PPP1R2: variants seen among roughly 807,000 people sequenced by gnomAD.
The protein encoded by PPP1R2 is protein phosphatase inhibitor 2.
Under a neutral mutation model 29.9 loss-of-function variants are expected in PPP1R2, and 16 were observed. The ratio of observed to expected loss-of-function variants is 0.53; its 90% CI spans 0.36 to 0.81. PPP1R2 has a LOEUF of 0.81. PPP1R2 is among the 30% of genes least tolerant of loss of function. PPP1R2 has a pLI of 0.00. For missense variants in PPP1R2, 197 were observed against 252.7 expected (o/e 0.78, Z 1.49); for synonymous variants, 76 against 91.5 (o/e 0.83, Z 0.96).
At chr3:195,520,294 G>A (rs1411620759) in intron 4 of PPP1R2, among the ~76,000 whole-genome samples, 1 of 152,148 alleles carries the variant, frequency 6.6e-6, no homozygotes, top group Non-Finnish European at 1.5e-5. Context: ...ACAGGCATGA[G>A]CCACTGCGCC....
rs1436135183 is a variant in PPP1R2, at chr3:195,527,030, G to A, written c.231-2134C>T. Among the ~76,000 whole-genome samples, 12 of 150,328 alleles carry A rather than the reference G, an allele frequency of 8.0e-5. No individual in the cohort carries two copies. In the East Asian group the frequency reaches 1.4e-3, roughly 18 times the overall value. ...ACTCCTGACCTTAGGTGATCCACCCGCCTCAGGCTCCCAAAGTGCTGGGAT... is the reference window on the plus strand; with the variant it reads ...ACTCCTGACCTTAGGTGATCCACCCACCTCAGGCTCCCAAAGTGCTGGGAT... On this transcript the variant is annotated intron_variant, in intron 2 of 5. Transcript: ENST00000618156.
chr3:195,536,627 A>G (rs1283401149), intron 1 of PPP1R2, among the ~76,000 whole-genome samples: 2 of 151,920 alleles, frequency 1.3e-5, no homozygotes. Flanking sequence ...TGTCTCTACT[A>G]AAATACAAAA....
Position 195,536,609 on chromosome 3 carries a change from T to C in PPP1R2, c.122+6295A>G, listed in dbSNP as rs1719394381. 2.6e-5 allele frequency among the ~76,000 whole-genome samples: 4 copies of C among 151,796 alleles called. No individual in the cohort carries two copies. The South Asian group carries it at 8.3e-4, about 32-fold the overall frequency. On this transcript the variant is annotated intron_variant, in intron 1 of 5. Transcript: ENST00000618156. Reference sequence around the variant, plus strand: ...TTCAAGACCAGCCCGGCCAACATGATGAAGCCCTGTCTCTACTAAAATACA... The same window carrying C: ...TTCAAGACCAGCCCGGCCAACATGACGAAGCCCTGTCTCTACTAAAATACA...
At chr3:195,518,520 A>G (rs2641379) in intron 5 of PPP1R2, among the ~76,000 whole-genome samples, 129,240 of 151,722 alleles carry the variant, frequency 0.85, 55,528 homozygotes, top group East Asian at 0.99. Flanking sequence ...GCGTGGTGGC[A>G]GGCGCCTGTA....
At chr3:195,521,053 C>T (rs897306690) in intron 4 of PPP1R2, among the ~76,000 whole-genome samples, 2 of 152,016 alleles carry the variant, frequency 1.3e-5, no homozygotes, top group African/African-American at 2.4e-5. Flanking sequence ...GCAGTGCTCA[C>T]GCCTGTAATC....
chr3:195,526,129 T>A (rs2108943895), intron 2 of PPP1R2, among the ~76,000 whole-genome samples: 1 of 147,124 alleles, frequency 6.8e-6, no homozygotes, highest in South Asian at 2.1e-4. Context: ...AGACAGGGTC[T>A]CATTCTGTCA....
chr3:195,524,897 C>T lies in PPP1R2; in HGVS notation c.231-1G>A. 1 of 1,613,798 alleles carries T rather than the reference C, an allele frequency of 6.2e-7. No individual in the cohort carries two copies. The highest frequency in any genetic ancestry group is 8.5e-7 in the Non-Finnish European group (1 of 1,179,728). ...GGCATCTTCATCATCCCCCATCATA[C>T]TAGTATGACAAGCACATTGTAATTA... On this transcript the variant is annotated splice_acceptor_variant, in intron 2 of 5. Transcript: ENST00000618156. LOFTEE classifies it high-confidence loss of function.
At chr3:195,532,899 T>G (rs998591489) in intron 1 of PPP1R2, among the ~76,000 whole-genome samples, 2 of 152,210 alleles carry the variant, frequency 1.3e-5, no homozygotes, top group African/African-American at 4.8e-5. Context: ...AAATGTAACG[T>G]TAAAATTTAT....
Position 195,519,157 on chromosome 3 carries a change from C to T in PPP1R2, c.432G>A (p.Arg144=), listed in dbSNP as rs1577562643. 3 of 1,596,110 alleles carry T rather than the reference C, an allele frequency of 1.9e-6. No homozygotes were observed. Among genetic ancestry groups the T allele is most frequent in the East Asian group, 2.2e-5 (1 of 44,650 alleles). Residue 144 remains arginine, a synonymous_variant, in exon 5 of 6, where the codon AGG becomes AGA. Coordinates refer to ENST00000618156, the MANE Select transcript of PPP1R2 (RefSeq NM_006241.8). The stretch of plus-strand genomic sequence containing the variant: ...TGAGTCCTTCATTGTAGTGAAGCTT[C>T]CTTTTCATTTCAAATTGTCGCTTTT... The part of the protein sequence containing the change: ...REKKRQFEMK[R]KLHYNEGLNI...
intron 1 of PPP1R2, among the ~76,000 whole-genome samples, chr3:195,531,748 C>G (rs115119140): frequency 1.3e-5 from 2 of 152,174 alleles, no homozygotes; most frequent in African/African-American, 4.8e-5. Context: ...ACGAAGTGTA[C>G]AATTCTATGG....
rs1247735921 is a variant in PPP1R2 at position 195,515,034 on chromosome 3, G to A, written c.*1862C>T. ...ACAAAAAAAAAAAAAGAGTATGTGG[G>A]TACTTTCTAAGAACTCAGAAACAAG... On this transcript the variant is annotated 3_prime_UTR_variant, in exon 6 of 6. Transcript: ENST00000618156. The A allele has an allele frequency of 1.1e-5, 3 of 274,510 alleles. No individual in the cohort carries two copies. Among genetic ancestry groups the A allele is most frequent in the African/African-American group, 4.6e-5 (2 of 43,660 alleles). 17.0% of individuals were successfully genotyped at this position (274,510 alleles called of 1,614,324 possible).
rs1175969460 is a variant in PPP1R2 at position 195,543,054 on chromosome 3, G to T, written c.-29C>A. 1.9e-6 allele frequency: 3 copies of T among 1,588,132 alleles called. No individual in the cohort carries two copies. The East Asian group carries it at 6.9e-5, about 36-fold the overall frequency. ...CGGGCGCTCCGGCTGTCGGCTCAGG[G>T]TCGCTGCTTGGCGTGGGGTCCGCGA... On this transcript the variant is annotated 5_prime_UTR_variant, in exon 1 of 6. Coordinates refer to ENST00000618156, the MANE Select transcript of PPP1R2 (RefSeq NM_006241.8).
At chr3:195,525,236 C>A (rs947674629) in intron 2 of PPP1R2, among the ~76,000 whole-genome samples, 5 of 152,082 alleles carry the variant, frequency 3.3e-5, no homozygotes, top group Middle Eastern at 3.2e-3. Context: ...TTTTTCTTAT[C>A]ATTATTCCCT....
intron 1 of PPP1R2, among the ~76,000 whole-genome samples, chr3:195,541,741 T>G (rs569019464): frequency 6.6e-6 from 1 of 152,234 alleles, no homozygotes; most frequent in South Asian, 2.1e-4. Flanking sequence ...GAAAATTGTG[T>G]GTGAGAGAAT....
At chr3:195,531,716 C>A (rs1208616330) in intron 1 of PPP1R2, among the ~76,000 whole-genome samples, 1 of 152,146 alleles carries the variant, frequency 6.6e-6, no homozygotes, top group East Asian at 1.9e-4. Context: ...TGCACGTGCT[C>A]CTGAAGTAAG....
At chr3:195,519,317 A>G in intron 4 of PPP1R2, 132 bp from the exon 5 acceptor site, 1 of 688,652 alleles carries the variant, frequency 1.5e-6, no homozygotes, top group Non-Finnish European at 2.4e-6. Flanking sequence ...TTTTGTGTTC[A>G]ATGGCAGAGT....
intron 1 of PPP1R2, among the ~76,000 whole-genome samples, 185 bp from the exon 2 acceptor site, chr3:195,530,086 G>A (rs1719122735): frequency 6.6e-6 from 1 of 152,114 alleles, no homozygotes; most frequent in Non-Finnish European, 1.5e-5. Flanking sequence ...ACAATAAAAT[G>A]TCAGTAAATA....
chr3:195,543,133 G>C lies in PPP1R2; in HGVS notation c.-108C>G. ...CAGGCAGCCGCAGATCCCGCTCAGG[G>C]CTAAAGCGGCCGCAACTGCTGCCTC... On this transcript the variant is annotated 5_prime_UTR_variant, in exon 1 of 6. Transcript: ENST00000618156. 3 of 1,376,634 alleles carry C rather than the reference G, an allele frequency of 2.2e-6. No individual in the cohort carries two copies. Among genetic ancestry groups the C allele is most frequent in the Non-Finnish European group, 2.9e-6 (3 of 1,044,600 alleles). 85.3% of individuals were successfully genotyped at this position (1,376,634 alleles called of 1,614,324 possible).
intron 1 of PPP1R2, among the ~76,000 whole-genome samples, chr3:195,532,115 C>G (rs1158576167): frequency 6.6e-6 from 1 of 151,970 alleles, no homozygotes; most frequent in East Asian, 1.9e-4. Context: ...ACTGCAGTCT[C>G]GAACTCCTGG....
Sources: gnomAD v4.1 joint callset for allele counts (sites outside exome capture counted in the v4.1 genomes callset) on GRCh38, gnomAD v4.1.1 for gene constraint, MANE v1.5 for transcripts, NCBI Gene and HGNC (gene_info 2026-07-23, HGNC 2026-07-21) for gene names.